The following MCM3 variants were observed in gnomAD, a reference collection of about 807,000 sequenced individuals.
MCM3 encodes the protein DNA replication licensing factor MCM3.
In MCM3, 59 loss-of-function variants were observed where a neutral mutation model predicts 91.3. That is an observed-to-expected ratio of 0.65 (90% CI 0.52 to 0.80). The LOEUF is 0.80. Ranked by LOEUF, MCM3 falls within the 30% of genes least tolerant of loss-of-function variation. The probability of loss-of-function intolerance (pLI) is 0.00; values close to 1 mark genes in which losing one functional copy is unlikely to be tolerated. For synonymous variants in MCM3, 383 were observed against 379.6 expected, an observed-to-expected ratio of 1.01 and a Z score of -0.10; for missense variants, 919 against 1,035.4, an observed-to-expected ratio of 0.89 and a Z score of 1.54.
At position 52,273,894 on chromosome 6, in the gene MCM3, A is replaced by G; in HGVS notation, c.1397T>C (p.Met466Thr). Residue 466 changes from methionine (M) to threonine (T), a missense_variant, in exon 10 of 17, where the codon ATG becomes ACG. Physicochemically the swap from Met to Thr is moderately conservative, Grantham distance 81. Around this residue, in one of 3 missense-constraint regions of MCM3, gnomAD observed 233 missense variants for 321.2 expected, o/e 0.73. Transcript: ENST00000596288. ...TGAGTCCTGTAGCCCAATGTTCTCC[A>G]TTGGAGTCTTATACTGGTCATACTG... The part of the protein sequence containing the change: ...YGRYDQYKTP[M>T]ENIGLQDSLL... 1.2e-6 allele frequency: 2 copies of G among 1,613,786 alleles called. No homozygotes were observed. The highest frequency in any genetic ancestry group is 1.7e-6 in the Non-Finnish European group (2 of 1,179,796).
chr6:52,265,662 T>C (rs908711654), intron 16 of MCM3, among the ~76,000 whole-genome samples: 3 of 152,194 alleles, frequency 2.0e-5, no homozygotes, highest in African/African-American at 4.8e-5. Context: ...TGGTGTCCAG[T>C]AAACAAAATT....
chr6:52,277,851 G>A (rs1211650767), intron 6 of MCM3, among the ~76,000 whole-genome samples, 163 bp from the exon 7 acceptor site: 3 of 151,850 alleles, frequency 2.0e-5, no homozygotes, highest in African/African-American at 2.4e-5. Context: ...GGCAGATCAC[G>A]AGGTCAGGAG....
At position 52,273,141 on chromosome 6, in the gene MCM3, A is replaced by C; in HGVS notation, c.1676+89T>G. ...CCAGGCATGGCTTTGACCTGGGCAT[A>C]TAAGGCCTTAGCTAAGCTTAGATAT... On this transcript the variant is annotated intron_variant, in intron 11 of 16. Coordinates refer to ENST00000596288, the MANE Select transcript of MCM3 (RefSeq NM_002388.6). 4.7e-6 allele frequency: 7 copies of C among 1,503,790 alleles called. No individual in the cohort carries two copies. The Admixed American group carries it at 5.1e-5, about 11-fold the overall frequency. The allele number at this position is 1,503,790 out of a possible 1,614,324, so 93.2% of individuals were successfully genotyped here.
In MCM3 at chr6:52,266,080, T is replaced by C. The variant is rs761839637; in HGVS notation, c.2223A>G (p.Glu741=). 5 of 1,613,982 alleles carry C rather than the reference T, an allele frequency of 3.1e-6. No homozygotes were observed. In the Admixed American group the frequency reaches 8.3e-5, roughly 27 times the overall value. ...GGAGCAACATCCGTACTCACCTGGATTCACTCAACTCCACTTTCTGGGATT... is the reference window on the plus strand; with the variant it reads ...GGAGCAACATCCGTACTCACCTGGACTCACTCAACTCCACTTTCTGGGATT... ...TKESQKVELS[E]SRLKAFKVAL... is the part of the protein sequence containing the mutation. The change falls in exon 16 of 17, where the codon GAA becomes GAG. Residue 741 remains glutamate, a synonymous_variant. Coordinates refer to ENST00000596288, the MANE Select transcript of MCM3 (RefSeq NM_002388.6).
At chr6:52,266,797 C>T in intron 14 of MCM3, 101 bp from the exon 15 acceptor site, 10 of 892,602 alleles carry the variant, frequency 1.1e-5, no homozygotes, top group South Asian at 9.3e-5. Context: ...GGAAACAGAA[C>T]CACTAAGTCA....
chr6:52,278,664 G>A (rs1337205863), intron 6 of MCM3, 78 bp downstream of exon 6: 2 of 931,540 alleles, frequency 2.1e-6, no homozygotes, highest in East Asian at 2.5e-5. Context: ...TTCTGATCTA[G>A]TACAAAAATA....
chr6:52,283,516 G>T, intron 1 of MCM3, 110 bp from the exon 2 acceptor site: 1 of 763,292 alleles, frequency 1.3e-6, no homozygotes, highest in Admixed American at 1.9e-5. Context: ...CAGCAGAGCT[G>T]AATCCCCAGT....
chr6:52,278,863 GAATA>G lies in MCM3; in HGVS notation c.771-17_771-14del. Reference sequence around the variant, plus strand: ...AATCAGGACAGTCCTGGGACAAACAGAATAAAGAGGAAACCCGTTATATTCAATT... The same window carrying G: ...AATCAGGACAGTCCTGGGACAAACAGAAGAGGAAACCCGTTATATTCAATT... On this transcript the variant is annotated splice_polypyrimidine_tract_variant and intron_variant, in intron 5 of 16. Transcript: ENST00000596288. The G allele has an allele frequency of 6.4e-7, 1 of 1,562,954 alleles. No individual in the cohort carries two copies. The highest frequency in any genetic ancestry group is 2.2e-5 in the East Asian group (1 of 44,456).
chr6:52,274,404 G>A (rs570296214), intron 9 of MCM3, among the ~76,000 whole-genome samples: 1 of 152,266 alleles, frequency 6.6e-6, no homozygotes, highest in African/African-American at 2.4e-5. Flanking sequence ...AACTGGCCAG[G>A]CACATCCACT....
At chr6:52,266,755 GC>G (rs1764674719) in intron 14 of MCM3, 59 bp from the exon 15 acceptor site, 1 of 1,304,296 alleles carries the variant, frequency 7.7e-7, no homozygotes, top group Non-Finnish European at 1.1e-6. Context: ...AGGCAAGGAA[GC>G]CCCATCACGT....
intron 4 of MCM3, among the ~76,000 whole-genome samples, chr6:52,281,196 T>C (rs1766061496): frequency 1.3e-5 from 2 of 152,350 alleles, no homozygotes; most frequent in South Asian, 2.1e-4. Flanking sequence ...CATTTTCCTA[T>C]GCCAACCTGC....
chr6:52,283,325 G>T lies in MCM3; in HGVS notation c.160C>A (p.Leu54Met). ...QYRLIVNVNDLRRKNEKRANR... is the reference protein window; with the variant it reads ...QYRLIVNVNDMRRKNEKRANR... ...GCCCTCTTCTCGTTTTTCCTGCGCA[G>T]GTCATTCACATTGACAATCAGCCGG... Residue 54 changes from leucine (L) to methionine (M), a missense_variant, in exon 2 of 17, where the codon CTG (leucine) becomes ATG (methionine). By Grantham distance (15) the Leu-to-Met change is conservative. Coordinates refer to ENST00000596288, the MANE Select transcript of MCM3 (RefSeq NM_002388.6). The T allele has an allele frequency of 6.2e-7, 1 of 1,614,094 alleles. No individual in the cohort carries two copies. Among genetic ancestry groups the T allele is most frequent in the Non-Finnish European group, 8.5e-7 (1 of 1,180,002 alleles).
chr6:52,277,352 A>G (rs1765666533), intron 7 of MCM3, among the ~76,000 whole-genome samples, 154 bp from the exon 8 acceptor site: 1 of 152,016 alleles, frequency 6.6e-6, no homozygotes, highest in South Asian at 2.1e-4. Context: ...TCACGGAAGA[A>G]TATTTATATA....
At chr6:52,267,226 G>C (rs891972096) in intron 14 of MCM3, among the ~76,000 whole-genome samples, 3 of 150,454 alleles carry the variant, frequency 2.0e-5, no homozygotes, top group African/African-American at 7.3e-5. Flanking sequence ...AGCCTCCCAA[G>C]TAGCTGGGAC....
chr6:52,269,014 G>T, intron 13 of MCM3, 72 bp downstream of exon 13: 6 of 1,493,356 alleles, frequency 4.0e-6, no homozygotes, highest in Non-Finnish European at 5.4e-6. Context: ...GTCAGCCACG[G>T]AAGGCTGGGA....
In MCM3 at chr6:52,277,757, T is replaced by C. The variant is rs948153284; in HGVS notation, c.880-69A>G. On this transcript the variant is annotated intron_variant, in intron 6 of 16. Transcript: ENST00000596288. ...GGACTTTGTGGAGCTCCACTTTATA[T>C]ACTTTGGCCTATAGAAAATACTTGA... The C allele has an allele frequency of 8.3e-6, 12 of 1,451,252 alleles. No homozygotes were observed. In the African/African-American group the frequency reaches 1.3e-4, roughly 15 times the overall value. 89.9% of individuals were successfully genotyped at this position (1,451,252 alleles called of 1,614,324 possible).
Position 52,264,493 on chromosome 6 carries a change from T to C in MCM3, c.*95A>G. 3.0e-6 allele frequency: 4 copies of C among 1,341,176 alleles called. No individual in the cohort carries two copies. The highest frequency in any genetic ancestry group is 3.2e-6 in the Non-Finnish European group (3 of 944,066). The allele number at this position is 1,341,176 out of a possible 1,614,324, so 83.1% of individuals were successfully genotyped here. A position where few individuals can be genotyped will look rare whatever the true frequency, so the allele number is the denominator to read the frequency against. Reference sequence around the variant, plus strand: ...TCGCCTTCAGTTGAATTCAACACTGTTAAGGGAGTAGAGGCAAAGACTTGG... The same window carrying C: ...TCGCCTTCAGTTGAATTCAACACTGCTAAGGGAGTAGAGGCAAAGACTTGG... On this transcript the variant is annotated 3_prime_UTR_variant, in exon 17 of 17. Coordinates refer to ENST00000596288, the MANE Select transcript of MCM3 (RefSeq NM_002388.6).
chr6:52,272,262 C>T (rs1765192954), intron 12 of MCM3, 39 bp downstream of exon 12: 2 of 1,605,014 alleles, frequency 1.2e-6, no homozygotes, highest in African/African-American at 1.3e-5. Context: ...CAGCCATATA[C>T]CTAAGGGACC....
At chr6:52,273,021 G>A (rs1321701385) in intron 11 of MCM3, among the ~76,000 whole-genome samples, 1 of 152,136 alleles carries the variant, frequency 6.6e-6, no homozygotes, top group Non-Finnish European at 1.5e-5. Context: ...CTGAACCTGC[G>A]CTGAATCACC....
Sources: allele counts gnomAD v4.1 joint callset (sites outside exome capture counted in the v4.1 genomes callset), GRCh38; gene constraint gnomAD v4.1.1; regional missense constraint gnomAD v4.1.1; transcripts MANE v1.5; gene names NCBI Gene and HGNC (gene_info 2026-07-23, HGNC 2026-07-21).